The following TNFSF4 variants were observed in gnomAD, a reference collection of about 807,000 sequenced individuals.
The protein encoded by TNFSF4 is TNF superfamily member 4.
In TNFSF4, 4 loss-of-function variants were observed where a neutral mutation model predicts 7.3. That is an observed-to-expected ratio of 0.55 (90% CI 0.27 to 1.25). The LOEUF (loss-of-function observed/expected upper bound fraction) is 1.25. Among genes scored for constraint, TNFSF4 ranks in the 50% most tolerant of loss-of-function variants. The probability of loss-of-function intolerance (pLI) is 0.12; values close to 1 mark genes in which losing one functional copy is unlikely to be tolerated. For missense variants in TNFSF4, 181 were observed against 208.8 expected, an observed-to-expected ratio of 0.87 and a Z score of 0.82; for synonymous variants, 76 against 83.7, an observed-to-expected ratio of 0.91 and a Z score of 0.50.
the TNFSF4 span, among the ~76,000 whole-genome samples, chr1:173,426,928 C>CAGAG: frequency 6.6e-6 from 1 of 150,734 alleles, no homozygotes; most frequent in Non-Finnish European, 1.5e-5. Flanking sequence ...GCAAGACAGT[C>CAGAG]AGAGAGAGAG....
the TNFSF4 span, among the ~76,000 whole-genome samples, chr1:173,388,712 A>ATAAT: frequency 6.6e-6 from 1 of 152,262 alleles, no homozygotes; most frequent in Non-Finnish European, 1.5e-5. Flanking sequence ...TTTACAAAAC[A>ATAAT]TAATTATTTT....
the TNFSF4 span, among the ~76,000 whole-genome samples, chr1:173,341,058 T>C: frequency 6.6e-6 from 1 of 152,016 alleles, no homozygotes; most frequent in Non-Finnish European, 1.5e-5. Context: ...ACTCTTCACT[T>C]CTCCTTGCTG....
chr1:173,414,912 A>C, the TNFSF4 span, among the ~76,000 whole-genome samples: 1 of 152,190 alleles, frequency 6.6e-6, no homozygotes, highest in African/African-American at 2.4e-5. Context: ...CTTCTTCTCA[A>C]CTAGGCCTTG....
the TNFSF4 span, among the ~76,000 whole-genome samples, chr1:173,288,505 A>G: frequency 4.6e-5 from 7 of 152,132 alleles, no homozygotes; most frequent in Admixed American, 3.3e-4. Context: ...TTTAAACACA[A>G]TATGATTGAT....
chr1:173,404,785 C>G, the TNFSF4 span, among the ~76,000 whole-genome samples: 1 of 152,114 alleles, frequency 6.6e-6, no homozygotes, highest in South Asian at 2.1e-4. Context: ...GCATGCACCA[C>G]CATGCCCTGA....
chr1:173,208,862 A>C (rs566372413), upstream of TNFSF4, among the ~76,000 whole-genome samples: 6 of 151,868 alleles, frequency 4.0e-5, no homozygotes, highest in African/African-American at 1.4e-4. Flanking sequence ...AAAAAAAAAA[A>C]GCCATAAATA....
the TNFSF4 span, among the ~76,000 whole-genome samples, chr1:173,330,717 GT>G: frequency 1.1e-4 from 16 of 152,174 alleles, no homozygotes; most frequent in African/African-American, 3.9e-4. Context: ...TCTAAGCATA[GT>G]GAAAGTGCAT....
chr1:173,267,829 A>C, the TNFSF4 span, among the ~76,000 whole-genome samples: 1 of 151,738 alleles, frequency 6.6e-6, no homozygotes, highest in Non-Finnish European at 1.5e-5. Flanking sequence ...AGGAGAGGAG[A>C]GGAAAGGAAA....
At chr1:173,202,067 A>G (rs974043388) in intron 1 of TNFSF4, among the ~76,000 whole-genome samples, 34 of 144,144 alleles carry the variant, frequency 2.4e-4, no homozygotes, top group Admixed American at 2.2e-3. Context: ...ACATATATAT[A>G]TATACACACA....
At chr1:173,426,322 G>A in the TNFSF4 span, among the ~76,000 whole-genome samples, 1 of 152,202 alleles carries the variant, frequency 6.6e-6, no homozygotes, top group African/African-American at 2.4e-5. Flanking sequence ...TGCTTCAGGA[G>A]AGGCAGATAG....
intron 1 of TNFSF4, among the ~76,000 whole-genome samples, chr1:173,197,601 C>A (rs1649759005): frequency 6.6e-6 from 1 of 152,148 alleles, no homozygotes; most frequent in Admixed American, 6.5e-5. Context: ...CAGAAAAACA[C>A]CGCATGTTCT....
At chr1:173,365,213 T>G in the TNFSF4 span, among the ~76,000 whole-genome samples, 1 of 152,100 alleles carries the variant, frequency 6.6e-6, no homozygotes, top group Non-Finnish European at 1.5e-5. Flanking sequence ...AATAACAAAT[T>G]TTATTAACGT....
At chr1:173,353,108 C>T in the TNFSF4 span, among the ~76,000 whole-genome samples, 532 of 152,234 alleles carry the variant, frequency 3.5e-3, 8 homozygotes, top group African/African-American at 0.011. Context: ...CAAAAACACA[C>T]GCTTTATGAA....
chr1:173,364,819 G>A, the TNFSF4 span, among the ~76,000 whole-genome samples: 1 of 152,114 alleles, frequency 6.6e-6, no homozygotes, highest in Non-Finnish European at 1.5e-5. Flanking sequence ...AGGCAGGGCA[G>A]TAGTCAAGTT....
chr1:173,352,179 C>T, the TNFSF4 span, among the ~76,000 whole-genome samples: 8 of 152,164 alleles, frequency 5.3e-5, no homozygotes, highest in African/African-American at 9.7e-5. Flanking sequence ...CTCACATCCA[C>T]GGGGATGCAG....
chr1:173,296,226 C>T, the TNFSF4 span, among the ~76,000 whole-genome samples: 6 of 152,056 alleles, frequency 3.9e-5, no homozygotes, highest in Admixed American at 3.9e-4. Context: ...GTTAGAAATC[C>T]TGACCCCTTG....
At chr1:173,327,334 C>T in the TNFSF4 span, among the ~76,000 whole-genome samples, 2 of 152,096 alleles carry the variant, frequency 1.3e-5, no homozygotes, top group Non-Finnish European at 2.9e-5. Context: ...CTTCCTTACA[C>T]CTTATACAAA....
chr1:173,442,796 G>A, the TNFSF4 span, among the ~76,000 whole-genome samples: 2 of 151,730 alleles, frequency 1.3e-5, no homozygotes, highest in African/African-American at 4.8e-5. Flanking sequence ...TGATCTGCTC[G>A]CCTCGGCCTC....
chr1:173,396,899 C>A, the TNFSF4 span, among the ~76,000 whole-genome samples: 1 of 152,214 alleles, frequency 6.6e-6, no homozygotes, highest in Non-Finnish European at 1.5e-5. Flanking sequence ...CTTGTGATTG[C>A]TCTTCTCTGT....
Sources: gnomAD v4.1 joint callset for allele counts (sites outside exome capture counted in the v4.1 genomes callset) on GRCh38, gnomAD v4.1.1 for gene constraint, MANE v1.5 for transcripts, NCBI Gene and HGNC (gene_info 2026-07-23, HGNC 2026-07-21) for gene names.